RORA: variants seen among roughly 807,000 people sequenced by gnomAD.
RORA encodes the protein nuclear receptor ROR-alpha.
Under a neutral mutation model 69.5 loss-of-function variants are expected in RORA, and 7 were observed. The observed-to-expected ratio is 0.10, with a 90% CI of 0.06 to 0.19. RORA has a LOEUF of 0.19. Among genes scored for constraint, RORA ranks in the 10% least tolerant of loss-of-function variants. RORA has a pLI of 1.00. For missense variants in RORA, 457 were observed against 663.0 expected (o/e 0.69, Z 3.41); for synonymous variants, 261 against 240.8 (o/e 1.08, Z -0.78).
chr15:60,518,101 C>T (rs1258527966), intron 3 of RORA, among the ~76,000 whole-genome samples: 2 of 152,288 alleles, frequency 1.3e-5, no homozygotes, highest in African/African-American at 2.4e-5. Context: ...TGGGCTCAAG[C>T]GGTCCTCCCA....
At chr15:60,906,754 G>A (rs889218829) in intron 1 of RORA, among the ~76,000 whole-genome samples, 1 of 151,952 alleles carries the variant, frequency 6.6e-6, no homozygotes, top group African/African-American at 2.4e-5. Context: ...CGGCCACGGT[G>A]GTTAATAATA....
At chr15:60,929,277 A>G (rs566678546) in intron 1 of RORA, among the ~76,000 whole-genome samples, 2 of 152,268 alleles carry the variant, frequency 1.3e-5, no homozygotes, top group Non-Finnish European at 2.9e-5. Flanking sequence ...CTCCTCCTCC[A>G]GCCCTCCCTC....
At chr15:61,190,968 C>T (rs1006014363) in intron 1 of RORA, among the ~76,000 whole-genome samples, 7 of 151,464 alleles carry the variant, frequency 4.6e-5, no homozygotes, top group African/African-American at 1.2e-4. Context: ...GTTAGTAGCT[C>T]GTAAGCTGAT....
intron 1 of RORA, among the ~76,000 whole-genome samples, chr15:60,757,786 T>A (rs916704900): frequency 2.0e-5 from 3 of 152,112 alleles, no homozygotes; most frequent in African/African-American, 7.2e-5. Context: ...TTCTTCCCTC[T>A]CTCCCGACCC....
At chr15:61,103,707 C>T (rs2078912266) in intron 1 of RORA, among the ~76,000 whole-genome samples, 1 of 152,202 alleles carries the variant, frequency 6.6e-6, no homozygotes, top group South Asian at 2.1e-4. Context: ...AACTCACCCC[C>T]AGAACAGATC....
chr15:61,199,343 G>A (rs777472797), intron 1 of RORA, among the ~76,000 whole-genome samples: 7 of 152,024 alleles, frequency 4.6e-5, no homozygotes, highest in African/African-American at 4.8e-5. Context: ...ATGAATACAC[G>A]AACGAATCCA....
chr15:60,889,187 C>T (rs12915127), intron 1 of RORA, among the ~76,000 whole-genome samples: 31,022 of 152,144 alleles, frequency 0.2, 4,037 homozygotes, highest in Middle Eastern at 0.3. Context: ...ACTTGAACTC[C>T]TCGAGGCAGG....
intron 1 of RORA, among the ~76,000 whole-genome samples, chr15:61,073,504 T>C (rs1029243715): frequency 6.6e-6 from 1 of 152,130 alleles, no homozygotes; most frequent in African/African-American, 2.4e-5. Context: ...TGCCTAGCAA[T>C]AGTGCCACTG....
intron 1 of RORA, among the ~76,000 whole-genome samples, chr15:61,125,487 T>C (rs1190762768): frequency 1.3e-5 from 2 of 152,238 alleles, no homozygotes; most frequent in African/African-American, 4.8e-5. Context: ...CCAACAAATT[T>C]CGTGGAATTC....
At chr15:61,044,680 T>C (rs1272147220) in intron 1 of RORA, among the ~76,000 whole-genome samples, 1 of 152,220 alleles carries the variant, frequency 6.6e-6, no homozygotes, top group African/African-American at 2.4e-5. Flanking sequence ...TTATCATATA[T>C]ACGCTATATT....
At chr15:61,036,709 A>T (rs1239302825) in intron 1 of RORA, among the ~76,000 whole-genome samples, 1 of 144,482 alleles carries the variant, frequency 6.9e-6, no homozygotes, top group Non-Finnish European at 1.5e-5. Flanking sequence ...AAGAAACAAA[A>T]ATCCAAAAGA....
intron 1 of RORA, among the ~76,000 whole-genome samples, chr15:60,870,510 G>A (rs1248568244): frequency 2.0e-5 from 3 of 152,160 alleles, no homozygotes; most frequent in Admixed American, 6.5e-5. Context: ...TGAGAGTGGC[G>A]ACAACCATAG....
At chr15:61,211,300 A>T (rs78962397) in intron 1 of RORA, among the ~76,000 whole-genome samples, 42,872 of 150,660 alleles carry the variant, frequency 0.28, 6,792 homozygotes, top group South Asian at 0.36. Flanking sequence ...AAAAAAAAAA[A>T]AAAGGATCAT....
chr15:60,862,492 C>A (rs2073443783), intron 1 of RORA, among the ~76,000 whole-genome samples: 1 of 152,194 alleles, frequency 6.6e-6, no homozygotes, highest in African/African-American at 2.4e-5. Flanking sequence ...TCTTGTGGAT[C>A]AAGGCACTGA....
chr15:60,975,239 G>C (rs1226824758), intron 1 of RORA, among the ~76,000 whole-genome samples: 2 of 152,198 alleles, frequency 1.3e-5, no homozygotes, highest in Non-Finnish European at 2.9e-5. Flanking sequence ...GGGAGTAATG[G>C]GGGCCTAAAC....
At chr15:61,007,706 T>C (rs1894950622) in intron 1 of RORA, among the ~76,000 whole-genome samples, 2 of 149,054 alleles carry the variant, frequency 1.3e-5, no homozygotes, top group African/African-American at 2.5e-5. Flanking sequence ...ATTAGGCTAA[T>C]GTTATATAGG....
At chr15:60,961,884 G>A (rs1234771270) in intron 1 of RORA, among the ~76,000 whole-genome samples, 1 of 152,180 alleles carries the variant, frequency 6.6e-6, no homozygotes, top group Non-Finnish European at 1.5e-5. Context: ...ACTGACACAG[G>A]CACCACATGC....
intron 1 of RORA, among the ~76,000 whole-genome samples, chr15:60,893,818 C>T (rs1891147696): frequency 6.6e-6 from 1 of 152,144 alleles, no homozygotes; most frequent in Admixed American, 6.5e-5. Flanking sequence ...TTAGAGGTCA[C>T]CTGGCATAAC....
intron 1 of RORA, among the ~76,000 whole-genome samples, chr15:60,751,709 C>G (rs1034231059): frequency 6.6e-6 from 1 of 152,154 alleles, no homozygotes; most frequent in Non-Finnish European, 1.5e-5. Context: ...CCTGCATCCT[C>G]TCGGCACCAG....
Sources: gnomAD v4.1 joint callset for allele counts (sites outside exome capture counted in the v4.1 genomes callset) on GRCh38, gnomAD v4.1.1 for gene constraint, MANE v1.5 for transcripts, NCBI Gene and HGNC (gene_info 2026-07-23, HGNC 2026-07-21) for gene names.